Variants in GSAP observed in about 807,000 individuals in gnomAD.
The protein encoded by GSAP is gamma-secretase-activating protein.
A neutral mutation model predicts 131.7 loss-of-function variants in GSAP; 118 were observed. The ratio of observed to expected loss-of-function variants is 0.90; its 90% confidence interval spans 0.77 to 1.04. GSAP has a LOEUF of 1.04. Among genes scored for constraint, GSAP ranks in the 50% least tolerant of loss-of-function variants. GSAP has a pLI of 0.00. For synonymous variants in GSAP, 381 were observed against 363.4 expected, an observed-to-expected ratio of 1.05 and a Z score of -0.55; for missense variants, 1,019 against 1,013.2, an observed-to-expected ratio of 1.01 and a Z score of -0.08.
intron 11 of GSAP, 104 bp downstream of exon 11, chr7:77,374,954 A>T (rs1228765149): frequency 1.8e-6 from 1 of 568,958 alleles, no homozygotes; most frequent in Non-Finnish European, 3.1e-6. Flanking sequence ...TGCACACAGA[A>T]TATCAAACTC....
intron 20 of GSAP, 92 bp downstream of exon 20, chr7:77,330,147 A>G: frequency 6.9e-7 from 1 of 1,438,992 alleles, no homozygotes; most frequent in East Asian, 2.5e-5. Context: ...AGAGTGCTGC[A>G]CATGGAAGCC....
intron 15 of GSAP, 21 bp downstream of exon 15, chr7:77,355,534 A>G (rs776682038): frequency 5.7e-6 from 9 of 1,575,400 alleles, no homozygotes; most frequent in South Asian, 1.1e-5. Flanking sequence ...CACCTCTACA[A>G]GAGAAAAACT....
At chr7:77,403,026 G>C (rs541291061) in intron 3 of GSAP, among the ~76,000 whole-genome samples, 1 of 152,276 alleles carries the variant, frequency 6.6e-6, no homozygotes, top group South Asian at 2.1e-4. Flanking sequence ...GGTATGCAAA[G>C]TGCTCCTACT....
At chr7:77,416,357 C>A, upstream of GSAP, 4 of 1,273,408 alleles carry the variant, frequency 3.1e-6, no homozygotes, top group Non-Finnish European at 4.2e-6. Context: ...TCTGGGGCCC[C>A]GCACCGCGGG....
In GSAP at chr7:77,382,992, C is replaced by T. The variant is rs550982042; in HGVS notation, c.457-349G>A. Among the ~76,000 whole-genome samples, 12 of 152,260 alleles carry T rather than the reference C, an allele frequency of 7.9e-5. No individual in the cohort carries two copies. In the South Asian group the frequency reaches 1.2e-3, roughly 16 times the overall value. ...CTTGACCTCAGGAGTTCAAGACCAG[C>T]CTGGGCAACATGGCAAGACCGCATC... On this transcript the variant is annotated intron_variant, in intron 6 of 30. Coordinates refer to ENST00000257626, the MANE Select transcript of GSAP (RefSeq NM_017439.4).
At chr7:77,378,105 C>T (rs560726014) in intron 8 of GSAP, among the ~76,000 whole-genome samples, 3 of 152,188 alleles carry the variant, frequency 2.0e-5, no homozygotes, top group Non-Finnish European at 2.9e-5. Context: ...CCAGTGAGTA[C>T]GCACTCTTCT....
rs745988314 is a variant in GSAP at position 77,314,426 on chromosome 7, C to T, written c.2153G>A (p.Cys718Tyr). The stretch of plus-strand genomic sequence containing the variant: ...GAGAAGCAACACTCCACTGTCAATG[C>T]AATGCAGCAGGTTATGCAAAGGGAG... ...QCLPLHNLLH[C>Y]IDSGVLLLTE... is the part of the protein sequence containing the mutation. Residue 718 changes from cysteine (C) to tyrosine (Y), a missense_variant, in exon 27 of 31, where the codon TGC becomes TAC. Cys to Tyr is a radical substitution (Grantham distance 194). Coordinates refer to ENST00000257626, the MANE Select transcript of GSAP (RefSeq NM_017439.4). 91 of 1,613,592 alleles carry T rather than the reference C, an allele frequency of 5.6e-5. No individual in the cohort carries two copies. Among genetic ancestry groups the T allele is most frequent in the Admixed American group, 3.2e-4 (19 of 59,986 alleles).
chr7:77,330,307 C>T lies in GSAP; in HGVS notation c.1606G>A (p.Ala536Thr). Residue 536 changes from alanine (A) to threonine (T), a missense_variant, in exon 20 of 31, where the codon GCC (alanine) becomes ACC (threonine). Coordinates refer to ENST00000257626, the MANE Select transcript of GSAP (RefSeq NM_017439.4). ...LNSNLEYVKY[A>T]KPHFHYNNSV... ...TTGTTATAGTGGAAGTGTGGCTTGGCGTACTTAACATATTCTAGGTTGGAG... is the reference window on the plus strand; with the variant it reads ...TTGTTATAGTGGAAGTGTGGCTTGGTGTACTTAACATATTCTAGGTTGGAG... The T allele has an allele frequency of 6.2e-7, 1 of 1,613,846 alleles. No individual in the cohort carries two copies.
At chr7:77,409,038 G>A (rs751495134) in intron 1 of GSAP, among the ~76,000 whole-genome samples, 19 of 152,158 alleles carry the variant, frequency 1.2e-4, no homozygotes, top group African/African-American at 3.9e-4. Context: ...TCTCCTAGGG[G>A]CAGGGCAAAG....
intron 12 of GSAP, among the ~76,000 whole-genome samples, chr7:77,364,235 T>G (rs1255031850): frequency 6.6e-6 from 1 of 151,874 alleles, no homozygotes; most frequent in African/African-American, 2.4e-5. Flanking sequence ...TCACAGAGGG[T>G]TAAATATATT....
At chr7:77,317,649 A>G (rs904631846) in intron 26 of GSAP, among the ~76,000 whole-genome samples, 2 of 152,212 alleles carry the variant, frequency 1.3e-5, no homozygotes, top group Admixed American at 1.3e-4. Flanking sequence ...CTGTGAAGGA[A>G]TGTGAGTTGG....
At chr7:77,337,701 C>A (rs1174647663) in intron 19 of GSAP, among the ~76,000 whole-genome samples, 1 of 152,322 alleles carries the variant, frequency 6.6e-6, no homozygotes, top group Admixed American at 6.5e-5. Context: ...ATGAAATACA[C>A]TACAGATGTC....
chr7:77,384,507 T>C (rs1798260636), intron 6 of GSAP, among the ~76,000 whole-genome samples: 1 of 152,168 alleles, frequency 6.6e-6, no homozygotes, highest in African/African-American at 2.4e-5. Flanking sequence ...ATATTTACTT[T>C]GAAAAATTTA....
intron 22 of GSAP, among the ~76,000 whole-genome samples, chr7:77,327,809 A>G (rs774316232): frequency 2.7e-5 from 4 of 150,856 alleles, no homozygotes; most frequent in East Asian, 2.0e-4. Context: ...GCCTCTTCCA[A>G]CCTCCCTCCC....
At chr7:77,372,166 A>G (rs1796221824) in intron 12 of GSAP, among the ~76,000 whole-genome samples, 1 of 152,252 alleles carries the variant, frequency 6.6e-6, no homozygotes, top group South Asian at 2.1e-4. Context: ...TTAAATGCCT[A>G]TGTAAGTAAA....
intron 7 of GSAP, among the ~76,000 whole-genome samples, chr7:77,382,003 C>G (rs1192858887): frequency 6.7e-6 from 1 of 148,548 alleles, no homozygotes; most frequent in Non-Finnish European, 1.5e-5. Flanking sequence ...GCAGTTTCAT[C>G]TTGTAATGCA....
intron 19 of GSAP, among the ~76,000 whole-genome samples, chr7:77,334,689 C>T (rs1047840280): frequency 6.7e-6 from 1 of 149,782 alleles, no homozygotes; most frequent in Admixed American, 6.7e-5. Context: ...TCAGGAACAA[C>T]AGCACCACAA....
Position 77,314,380 on chromosome 7 carries a change from C to G in GSAP, c.2199G>C (p.Arg733Ser). The G allele has an allele frequency of 1.2e-6, 2 of 1,613,674 alleles. No homozygotes were observed. The highest frequency in any genetic ancestry group is 1.7e-6 in the Non-Finnish European group (2 of 1,179,744). Reference sequence around the variant, plus strand: ...CTCAGGGCTTCTTACCTTTCATGAGCCTTATGACAGCTGTTTCAGTGAGAA... The same window carrying G: ...CTCAGGGCTTCTTACCTTTCATGAGGCTTATGACAGCTGTTTCAGTGAGAA... ...VLLLTETAVIRLMKDLDNTEK... is the reference protein window; with the variant it reads ...VLLLTETAVISLMKDLDNTEK... The change falls in exon 27 of 31, where the codon AGG becomes AGC. Residue 733 changes from arginine to serine, a missense_variant. Physicochemically the swap from Arg to Ser is moderately radical, Grantham distance 110. Transcript: ENST00000257626.
chr7:77,364,468 A>G (rs1180611455), intron 12 of GSAP, among the ~76,000 whole-genome samples: 1 of 145,180 alleles, frequency 6.9e-6, no homozygotes, highest in Non-Finnish European at 1.5e-5. Flanking sequence ...TGGAAACTGA[A>G]CAATGAGAAC....
Sources: gnomAD v4.1 joint callset for allele counts (sites outside exome capture counted in the v4.1 genomes callset) on GRCh38, gnomAD v4.1.1 for gene constraint, MANE v1.5 for transcripts, NCBI Gene and HGNC (gene_info 2026-07-23, HGNC 2026-07-21) for gene names.